Variants in DHX30 observed in about 807,000 individuals in gnomAD.
DHX30 encodes DExH-box helicase 30.
Under a neutral mutation model 116.9 loss-of-function variants are expected in DHX30, and 4 were observed. The observed-to-expected ratio is 0.03, with a 90% CI of 0.02 to 0.08. DHX30 has a LOEUF of 0.08. DHX30 is among the 10% of genes least tolerant of loss of function. DHX30 has a pLI of 1.00. For missense variants in DHX30, 871 were observed against 1,595.1 expected (o/e 0.55, Z 7.73); for synonymous variants, 697 against 651.7 (o/e 1.07, Z -1.06).
At chr3:47,816,019 T>G (rs944290381) in intron 3 of DHX30, 87 of 985,026 alleles carry the variant, frequency 8.8e-5, no homozygotes, top group Non-Finnish European at 9.2e-5. Context: ...GTTGAGCTGG[T>G]CATTTCCAAC....
At chr3:47,813,539 CT>C (rs1176734686) in intron 3 of DHX30, among the ~76,000 whole-genome samples, 1 of 152,170 alleles carries the variant, frequency 6.6e-6, no homozygotes, top group African/African-American at 2.4e-5. Flanking sequence ...TAGAACATGA[CT>C]TTTTTTCTTC....
intron 6 of DHX30, among the ~76,000 whole-genome samples, chr3:47,840,508 T>C (rs2037325301): frequency 6.6e-6 from 1 of 151,766 alleles, no homozygotes; most frequent in Admixed American, 6.6e-5. Context: ...TTGTGGTGCA[T>C]GCCTTTAGTC....
chr3:47,839,654 G>A (rs1361233410), intron 6 of DHX30, among the ~76,000 whole-genome samples: 1 of 151,692 alleles, frequency 6.6e-6, no homozygotes, highest in African/African-American at 2.4e-5. Flanking sequence ...CCGTTTCATG[G>A]TGTGGGCTAC....
rs189231260 is a variant in DHX30, at chr3:47,832,614, G to A, written c.366+3480G>A. Among the ~76,000 whole-genome samples the A allele has an allele frequency of 1.3e-4, 19 of 151,910 alleles. 1 individual carries two copies. Among genetic ancestry groups the A allele is most frequent in the Admixed American group, 7.2e-4 (11 of 15,228 alleles). ...AACCATGGATGATTTTGTTCCTCAC[G>A]GAACATCTAATTCTTTTTTTTTTTT... On this transcript the variant is annotated intron_variant, in intron 6 of 21. Transcript: ENST00000445061.
At chr3:47,839,665 A>G (rs575567502) in intron 6 of DHX30, among the ~76,000 whole-genome samples, 20 of 150,992 alleles carry the variant, frequency 1.3e-4, no homozygotes, top group African/African-American at 4.4e-4. Flanking sequence ...TGTGGGCTAC[A>G]TAGGTTTTTT....
At chr3:47,838,958 C>T (rs988111618) in intron 6 of DHX30, among the ~76,000 whole-genome samples, 9 of 152,006 alleles carry the variant, frequency 5.9e-5, no homozygotes, top group Admixed American at 2.6e-4. Flanking sequence ...ACTGCAGCCT[C>T]GATCTGTAGG....
chr3:47,825,378 C>T (rs1188959641), intron 4 of DHX30: 3 of 521,076 alleles, frequency 5.8e-6, no homozygotes, highest in Non-Finnish European at 1.0e-5. Context: ...GTTCGCCATC[C>T]GTCGGCGGGC....
chr3:47,803,786 A>G (rs1434559031), intron 1 of DHX30, among the ~76,000 whole-genome samples: 1 of 152,212 alleles, frequency 6.6e-6, no homozygotes, highest in African/African-American at 2.4e-5. Flanking sequence ...GGGGAAGACC[A>G]AATGCATGTT....
intron 3 of DHX30, chr3:47,815,905 A>C: frequency 1.0e-6 from 1 of 983,406 alleles, no homozygotes; most frequent in Non-Finnish European, 1.2e-6. Context: ...GAAAATGCTT[A>C]ATGAGATAAT....
rs2037626547 is a variant in DHX30, at chr3:47,846,792, C to T, written c.1720C>T (p.Leu574=). 1 of 1,613,694 alleles carries T rather than the reference C, an allele frequency of 6.2e-7. No homozygotes were observed. Among genetic ancestry groups the T allele is most frequent in the African/African-American group, 1.3e-5 (1 of 75,070 alleles). The change falls in exon 11 of 22, where the codon CTG becomes TTG. Residue 574 remains leucine, a synonymous_variant. Coordinates refer to ENST00000445061, the MANE Select transcript of DHX30 (RefSeq NM_138615.3). ...RDVNTDFLLI[L]LKGLQRLNPA... ...CGTGAACACAGACTTTCTGCTGATC[C>T]TGCTCAAGGGCCTGCAGCGGCTCAA...
At chr3:47,819,304 C>T (rs938553876) in intron 4 of DHX30, 2 of 1,366,848 alleles carry the variant, frequency 1.5e-6, no homozygotes, top group African/African-American at 1.5e-5. Flanking sequence ...TTTGGCTAAG[C>T]TTGAAGACGG....
chr3:47,810,853 CT>C (rs1485344075), intron 3 of DHX30, 142 bp downstream of exon 3: 71 of 827,866 alleles, frequency 8.6e-5, no homozygotes, highest in Non-Finnish European at 2.4e-5. Context: ...TATAGCCTTC[CT>C]TTTGCATGGT....
At chr3:47,832,783 T>C (rs983299107) in intron 6 of DHX30, among the ~76,000 whole-genome samples, 2 of 151,978 alleles carry the variant, frequency 1.3e-5, no homozygotes, top group Non-Finnish European at 2.9e-5. Flanking sequence ...ACTACAGGTG[T>C]GTGCCACCAT....
At chr3:47,823,683 T>C (rs2036403184) in intron 4 of DHX30, among the ~76,000 whole-genome samples, 1 of 151,856 alleles carries the variant, frequency 6.6e-6, no homozygotes, top group Non-Finnish European at 1.5e-5. Context: ...AACATAAAAA[T>C]CTAAACATCT....
At position 47,848,789 on chromosome 3, in the gene DHX30, G is replaced by A. The variant is rs1266316783; in HGVS notation, c.2741G>A (p.Ser914Asn). The change falls in exon 17 of 22, where the codon AGC becomes AAC. Residue 914 changes from serine to asparagine, a missense_variant. Physicochemically the swap from Ser to Asn is conservative, Grantham distance 46. This residue lies in a region of DHX30 where 238 missense variants were observed against 481.0 expected (regional missense o/e 0.49). Coordinates refer to ENST00000445061, the MANE Select transcript of DHX30 (RefSeq NM_138615.3). The surrounding 1 kb of genome is among the most constrained non-coding windows in gnomAD (Gnocchi z 9.4). ...SCLTRDPFSS[S>N]LQNRAEVDKV... ...CTCACCCGGGACCCCTTCAGCAGCA[G>A]CCTACAGAACCGGGCAGAGGTGGAC... The A allele has an allele frequency of 1.2e-6, 2 of 1,613,976 alleles. No homozygotes were observed. The highest frequency in any genetic ancestry group is 2.2e-5 in the South Asian group (2 of 91,078).
chr3:47,833,709 T>C (rs1271804671), intron 6 of DHX30, among the ~76,000 whole-genome samples: 1 of 151,084 alleles, frequency 6.6e-6, no homozygotes, highest in African/African-American at 2.4e-5. Context: ...AATACAAAAA[T>C]TAGCCGGGCA....
At chr3:47,812,286 A>G (rs2035831038) in intron 3 of DHX30, among the ~76,000 whole-genome samples, 1 of 150,956 alleles carries the variant, frequency 6.6e-6, no homozygotes, top group Admixed American at 6.6e-5. Flanking sequence ...GGCTGGGCGC[A>G]GTGGCTCACA....
At position 47,847,683 on chromosome 3, in the gene DHX30, T is replaced by C; in HGVS notation, c.2111-98T>C. 1 of 1,501,180 alleles carries C rather than the reference T, an allele frequency of 6.7e-7. No individual in the cohort carries two copies. The highest frequency in any genetic ancestry group is 9.0e-7 in the Non-Finnish European group (1 of 1,115,404). 93.0% of individuals were successfully genotyped at this position (1,501,180 alleles called of 1,614,324 possible). A position where few individuals can be genotyped will look rare whatever the true frequency, so the allele number is the denominator to read the frequency against. On this transcript the variant is annotated intron_variant, in intron 13 of 21. Coordinates refer to ENST00000445061, the MANE Select transcript of DHX30 (RefSeq NM_138615.3). This position sits in a 1 kb window ranked among gnomAD's most constrained non-coding sequence, Gnocchi z 5.5. ...GGGCATAGTGTTTATCTGCGCCTGT[T>C]TCATCAAAATGGGGTCAAAATCCTT...
intron 3 of DHX30, among the ~76,000 whole-genome samples, chr3:47,815,394 G>T (rs1013472648): frequency 1.3e-5 from 2 of 152,118 alleles, no homozygotes; most frequent in African/African-American, 4.8e-5. Context: ...TGCTGTGTAG[G>T]AGACACTAGG....
Sources: allele counts gnomAD v4.1 joint callset (sites outside exome capture counted in the v4.1 genomes callset), GRCh38; gene constraint gnomAD v4.1.1; regional missense constraint gnomAD v4.1.1; non-coding constraint Gnocchi (gnomAD v3.1); transcripts MANE v1.5; gene names NCBI Gene and HGNC (gene_info 2026-07-23, HGNC 2026-07-21).